Variants in ARHGEF17 observed in about 807,000 individuals in gnomAD.
The protein encoded by ARHGEF17 is 164 kDa Rho-specific guanine-nucleotide exchange factor.
Under a neutral mutation model 174.0 loss-of-function variants are expected in ARHGEF17, and 80 were observed. The ratio of observed to expected loss-of-function variants is 0.46; its 90% CI spans 0.38 to 0.55. The LOEUF (loss-of-function observed/expected upper bound fraction) is 0.55, where lower values mean the gene tolerates loss of function less well. Ranked by LOEUF, ARHGEF17 falls within the 20% of genes least tolerant of loss-of-function variation. ARHGEF17 has a pLI of 0.00. For missense variants in ARHGEF17, 2,886 were observed against 2,839.7 expected (o/e 1.02, Z -0.37); for synonymous variants, 1,311 against 1,189.1 (o/e 1.10, Z -2.11).
rs920266362 is a variant in ARHGEF17, at chr11:73,308,840, G to T, written c.202G>T (p.Ala68Ser). The change falls in exon 1 of 21, where the codon GCC (alanine) becomes TCC (serine). Residue 68 changes from alanine (A) to serine (S), a missense_variant. Coordinates refer to ENST00000263674, the MANE Select transcript of ARHGEF17 (RefSeq NM_014786.4). ...VSKLASGPLA[A>S]PAQPRPLRSL... ...CAAGCTGGCGTCTGGGCCCCTGGCCGCCCCCGCGCAGCCGCGCCCGCTCCG... is the reference window on the plus strand; with the variant it reads ...CAAGCTGGCGTCTGGGCCCCTGGCCTCCCCCGCGCAGCCGCGCCCGCTCCG... The T allele has an allele frequency of 6.7e-6, 9 of 1,335,030 alleles. No homozygotes were observed. Among genetic ancestry groups the T allele is most frequent in the Non-Finnish European group, 7.6e-6 (8 of 1,049,398 alleles). 82.7% of individuals were successfully genotyped at this position (1,335,030 alleles called of 1,614,324 possible).
chr11:73,326,835 T>C (rs1463338698), intron 1 of ARHGEF17, among the ~76,000 whole-genome samples: 1 of 152,240 alleles, frequency 6.6e-6, no homozygotes, highest in Non-Finnish European at 1.5e-5. Flanking sequence ...TAAGTGAAAG[T>C]AGGGTCATGT....
At chr11:73,319,410 C>G (rs929929843) in intron 1 of ARHGEF17, among the ~76,000 whole-genome samples, 2 of 152,188 alleles carry the variant, frequency 1.3e-5, no homozygotes, top group Non-Finnish European at 2.9e-5. Flanking sequence ...GTTCTTAAAG[C>G]CTACCTGATA....
chr11:73,344,657 G>A (rs534045662), intron 1 of ARHGEF17, among the ~76,000 whole-genome samples: 1 of 152,232 alleles, frequency 6.6e-6, no homozygotes, highest in Non-Finnish European at 1.5e-5. Context: ...TGCTGCGTGT[G>A]GACAGAGCTG....
In ARHGEF17 at chr11:73,367,766, C is replaced by G; in HGVS notation, c.6178C>G (p.Leu2060Val). 2 of 1,612,786 alleles carry G rather than the reference C, an allele frequency of 1.2e-6. No homozygotes were observed. Among genetic ancestry groups the G allele is most frequent in the Non-Finnish European group, 1.7e-6 (2 of 1,179,222 alleles). Residue 2060 changes from leucine (L) to valine (V), a missense_variant, in exon 21 of 21, where the codon CTG (leucine) becomes GTG (valine). Physicochemically the swap from Leu to Val is conservative, Grantham distance 32 (BLOSUM62 1). Around this residue, in one of 4 missense-constraint regions of ARHGEF17, gnomAD observed 329 missense variants for 435.2 expected, o/e 0.76. Transcript: ENST00000263674. Reference protein sequence around the residue: ...GRDDSTNHLLLWRV With the variant: ...GRDDSTNHLLVWRV ...AGACGACAGCACAAACCACCTCCTC[C>G]TGTGGAGGGTGTGACCCTGTCTGCC...
rs771293554 is a variant in ARHGEF17 at position 73,367,748 on chromosome 11, A to G, written c.6160A>G (p.Ser2054Gly). The G allele has an allele frequency of 6.2e-7, 1 of 1,613,892 alleles. No homozygotes were observed. The highest frequency in any genetic ancestry group is 8.5e-7 in the Non-Finnish European group (1 of 1,179,916). The stretch of plus-strand genomic sequence containing the variant: ...CAGTGAGACTGTGGGTCGAGACGAC[A>G]GCACAAACCACCTCCTCCTGTGGAG... ...SSSETVGRDDSTNHLLLWRV is the reference protein window; with the variant it reads ...SSSETVGRDDGTNHLLLWRV The change falls in exon 21 of 21, where the codon AGC becomes GGC. Residue 2054 changes from serine to glycine, a missense_variant. Ser to Gly is a moderately conservative substitution (Grantham distance 56). This residue lies in a region of ARHGEF17 where 329 missense variants were observed against 435.2 expected (regional missense o/e 0.76). Coordinates refer to ENST00000263674, the MANE Select transcript of ARHGEF17 (RefSeq NM_014786.4).
chr11:73,334,084 C>T (rs7129663), intron 1 of ARHGEF17, among the ~76,000 whole-genome samples: 11,673 of 152,288 alleles, frequency 0.077, 585 homozygotes, highest in Non-Finnish European at 0.1. Context: ...TGCACCCTCC[C>T]TTTTGGAGCT....
intron 20 of ARHGEF17, among the ~76,000 whole-genome samples, 158 bp downstream of exon 20, chr11:73,366,105 G>A (rs1865833133): frequency 6.6e-6 from 1 of 151,980 alleles, no homozygotes; most frequent in South Asian, 2.1e-4. Flanking sequence ...GTGTCCAAAT[G>A]AAATCTAGGA....
At position 73,310,391 on chromosome 11, in the gene ARHGEF17, C is replaced by T; in HGVS notation, c.1753C>T (p.Leu585Phe). ...TGGTGCCGAGGAGGATCCGCTGCCC[C>T]TCATCGTCCAGGACCAATATGTGCA... Reference protein sequence around the residue: ...GPGAEEDPLPLIVQDQYVQEA... With the variant: ...GPGAEEDPLPFIVQDQYVQEA... Residue 585 changes from leucine to phenylalanine, a missense_variant, in exon 1 of 21, where the codon CTC (leucine) becomes TTC (phenylalanine). Transcript: ENST00000263674. 1.2e-6 allele frequency: 2 copies of T among 1,613,968 alleles called. No individual in the cohort carries two copies. The highest frequency in any genetic ancestry group is 1.1e-5 in the South Asian group (1 of 91,088).
intron 7 of ARHGEF17, 113 bp from the exon 8 acceptor site, chr11:73,356,912 G>T: frequency 6.7e-7 from 1 of 1,487,712 alleles, no homozygotes; most frequent in South Asian, 1.2e-5. Context: ...CTGGGAAGCT[G>T]GGGAAGAGCC....
intron 1 of ARHGEF17, among the ~76,000 whole-genome samples, chr11:73,335,221 C>A (rs1188566777): frequency 6.6e-6 from 1 of 152,182 alleles, no homozygotes; most frequent in Admixed American, 6.5e-5. Flanking sequence ...CAGTGGGGTC[C>A]TTCTCGACTG....
rs1211507827 is a variant in ARHGEF17, at chr11:73,362,486, G to C, written c.4748G>C (p.Gly1583Ala). Reference sequence around the variant, plus strand: ...CCAGAGACGGCACCGGAGCCCGCCGGGCCGGAGCTGGACGTCGAGGCCGCT... The same window carrying C: ...CCAGAGACGGCACCGGAGCCCGCCGCGCCGGAGCTGGACGTCGAGGCCGCT... ...SPPETAPEPA[G>A]PELDVEAAAD... The change falls in exon 14 of 21, where the codon GGG (glycine) becomes GCG (alanine). Residue 1583 changes from glycine (G) to alanine (A), a missense_variant. Gly to Ala is a moderately conservative substitution (Grantham distance 60). Transcript: ENST00000263674. The C allele has an allele frequency of 1.3e-6, 2 of 1,598,244 alleles. No individual in the cohort carries two copies. Among genetic ancestry groups the C allele is most frequent in the Admixed American group, 1.7e-5 (1 of 59,660 alleles).
intron 1 of ARHGEF17, among the ~76,000 whole-genome samples, chr11:73,342,167 GT>G (rs1672719606): frequency 1.3e-5 from 2 of 151,266 alleles, no homozygotes; most frequent in African/African-American, 4.9e-5. Context: ...TGGGAGCACA[GT>G]CTAGGGGTGG....
Position 73,310,425 on chromosome 11 carries a change from G to T in ARHGEF17, c.1787G>T (p.Arg596Leu). The T allele has an allele frequency of 6.2e-7, 1 of 1,614,004 alleles. No homozygotes were observed. Residue 596 changes from arginine to leucine, a missense_variant, in exon 1 of 21, where the codon CGC becomes CTC. Physicochemically the swap from Arg to Leu is moderately radical, Grantham distance 102. Transcript: ENST00000263674. ...IVQDQYVQEA[R>L]QVFEKIQRMG... ...CAGGACCAATATGTGCAGGAGGCCCGCCAGGTTTTTGAGAAGATCCAGCGC... is the reference window on the plus strand; with the variant it reads ...CAGGACCAATATGTGCAGGAGGCCCTCCAGGTTTTTGAGAAGATCCAGCGC...
intron 1 of ARHGEF17, among the ~76,000 whole-genome samples, chr11:73,345,764 C>G (rs2134410613): frequency 6.6e-6 from 1 of 152,150 alleles, no homozygotes; most frequent in East Asian, 1.9e-4. Flanking sequence ...AAGCCGAGAC[C>G]TGGGAGGGGA....
chr11:73,308,825 T>G lies in ARHGEF17; in HGVS notation c.187T>G (p.Ser63Ala). 7.4e-7 allele frequency: 1 copy of G among 1,343,834 alleles called. No homozygotes were observed. The highest frequency in any genetic ancestry group is 3.1e-5 in the East Asian group (1 of 32,132). 83.2% of individuals were successfully genotyped at this position (1,343,834 alleles called of 1,614,324 possible). Reference sequence around the variant, plus strand: ...CTCTCGGCGCGTGTCCAAGCTGGCGTCTGGGCCCCTGGCCGCCCCCGCGCA... The same window carrying G: ...CTCTCGGCGCGTGTCCAAGCTGGCGGCTGGGCCCCTGGCCGCCCCCGCGCA... Reference protein sequence around the residue: ...QPSRRVSKLASGPLAAPAQPR... With the variant: ...QPSRRVSKLAAGPLAAPAQPR... The change falls in exon 1 of 21, where the codon TCT (serine) becomes GCT (alanine). Residue 63 changes from serine (S) to alanine (A), a missense_variant. Ser to Ala is a moderately conservative substitution (Grantham distance 99, BLOSUM62 1). Transcript: ENST00000263674.
chr11:73,367,904 C>T lies in ARHGEF17; in HGVS notation c.*124C>T. The T allele has an allele frequency of 2.8e-6, 3 of 1,053,232 alleles. No individual in the cohort carries two copies. The highest frequency in any genetic ancestry group is 1.7e-5 in the South Asian group (1 of 60,478). The allele number at this position is 1,053,232 out of a possible 1,614,324, so 65.2% of individuals were successfully genotyped here. On this transcript the variant is annotated 3_prime_UTR_variant, in exon 21 of 21. Transcript: ENST00000263674. ...AGGGGCACACATGTGCCTGCGTGGG[C>T]TCTGCCTTGTCTTCGCGGAAGCATT...
intron 6 of ARHGEF17, 84 bp from the exon 7 acceptor site, chr11:73,356,625 G>A: frequency 6.4e-7 from 1 of 1,556,294 alleles, no homozygotes; most frequent in Non-Finnish European, 8.8e-7. Flanking sequence ...CCCATGGAGT[G>A]GGGCCGAGGG....
Position 73,364,486 on chromosome 11 carries a change from G to A in ARHGEF17, c.5436G>A (p.Val1812=). 1 of 1,613,450 alleles carries A rather than the reference G, an allele frequency of 6.2e-7. No individual in the cohort carries two copies. The highest frequency in any genetic ancestry group is 8.5e-7 in the Non-Finnish European group (1 of 1,179,892). Residue 1812 remains valine, a synonymous_variant, in exon 18 of 21, where the codon GTG becomes GTA. Coordinates refer to ENST00000263674, the MANE Select transcript of ARHGEF17 (RefSeq NM_014786.4). The stretch of plus-strand genomic sequence containing the variant: ...GGGACCCCCAGAACTTCAAATCAGT[G>A]ACCTTGGGCACCCAGGGGAGCCCCA... ...HFWDPQNFKS[V]TLGTQGSPIT... is the part of the protein sequence containing the mutation.
chr11:73,329,280 T>G (rs1460793049), intron 1 of ARHGEF17, among the ~76,000 whole-genome samples: 1 of 135,318 alleles, frequency 7.4e-6, no homozygotes, highest in East Asian at 2.2e-4. Flanking sequence ...TTACACTTAA[T>G]GTCATTTGCA....
Sources: gnomAD v4.1 joint callset for allele counts (sites outside exome capture counted in the v4.1 genomes callset) on GRCh38, gnomAD v4.1.1 for gene constraint, gnomAD v4.1.1 regional missense constraint, MANE v1.5 for transcripts, NCBI Gene and HGNC (gene_info 2026-07-23, HGNC 2026-07-21) for gene names.